Variants in SRGAP1 observed in about 807,000 individuals in gnomAD.
The protein encoded by SRGAP1 is SLIT-ROBO Rho GTPase-activating protein 1.
In SRGAP1, 43 loss-of-function variants were observed where a neutral mutation model predicts 121.9. The ratio of observed to expected loss-of-function variants is 0.35; its 90% CI spans 0.28 to 0.46. SRGAP1 has a LOEUF of 0.46. Among genes scored for constraint, SRGAP1 ranks in the 20% least tolerant of loss-of-function variants. The pLI is 1.00. For synonymous variants in SRGAP1, 447 were observed against 485.4 expected (o/e 0.92, Z 1.04); for missense variants, 1,102 against 1,350.9 (o/e 0.82, Z 2.89).
intron 1 of SRGAP1, among the ~76,000 whole-genome samples, chr12:63,912,324 T>C (rs2030539623): frequency 6.6e-6 from 1 of 152,062 alleles, no homozygotes; most frequent in Non-Finnish European, 1.5e-5. Flanking sequence ...AAGTCAGCAC[T>C]AGGCTGGGCA....
intron 6 of SRGAP1, among the ~76,000 whole-genome samples, chr12:64,061,186 T>G (rs73319368): frequency 6.6e-6 from 1 of 152,124 alleles, no homozygotes; most frequent in Non-Finnish European, 1.5e-5. Context: ...TAATGAAGAT[T>G]CAAGAATCTC....
At position 64,159,843 on chromosome 12, in the gene SRGAP1, C is replaced by T. The variant is rs1422085697; in HGVS notation, c.*17171C>T. 6.6e-6 allele frequency: 1 copy of T among 152,164 alleles called. No homozygotes were observed. Among genetic ancestry groups the T allele is most frequent in the African/African-American group, 2.4e-5 (1 of 41,432 alleles). The allele number at this position is 152,164 out of a possible 1,614,324, so 9.4% of individuals were successfully genotyped here. ...GGACTCTACAACAGCAGGAAATAAA[C>T]TACTGTTATATCAAGCTACTGACAT... On this transcript the variant is annotated 3_prime_UTR_variant, in exon 22 of 22. Coordinates refer to ENST00000355086, the MANE Select transcript of SRGAP1 (RefSeq NM_020762.4).
intron 1 of SRGAP1, among the ~76,000 whole-genome samples, chr12:63,937,916 G>T (rs942534040): frequency 6.6e-6 from 1 of 152,198 alleles, no homozygotes; most frequent in African/African-American, 2.4e-5. Flanking sequence ...GTCCAGAAGC[G>T]CCCCGTGGCA....
intron 1 of SRGAP1, among the ~76,000 whole-genome samples, chr12:63,933,562 G>GAATATTGAAAATATTGAA (rs2031556472): frequency 6.6e-6 from 1 of 152,156 alleles, no homozygotes; most frequent in Non-Finnish European, 1.5e-5. Context: ...AACCAGCACT[G>GAATATTGAAAATATTGAA]AATATTGAAA....
At chr12:64,022,820 G>A (rs2034577685) in intron 4 of SRGAP1, among the ~76,000 whole-genome samples, 1 of 152,144 alleles carries the variant, frequency 6.6e-6, no homozygotes, top group Admixed American at 6.5e-5. Flanking sequence ...ACTATGAGAT[G>A]TACTGGGAAT....
chr12:63,906,443 T>C (rs558038024), intron 1 of SRGAP1, among the ~76,000 whole-genome samples: 1 of 151,982 alleles, frequency 6.6e-6, no homozygotes, highest in East Asian at 1.9e-4. Flanking sequence ...GCCTCCCGAG[T>C]AGCTGGGACT....
intron 1 of SRGAP1, among the ~76,000 whole-genome samples, chr12:63,845,413 T>C (rs2136247894): frequency 6.6e-6 from 1 of 152,218 alleles, no homozygotes; most frequent in East Asian, 1.9e-4. Flanking sequence ...ATTAAATAGC[T>C]CCCTAAAAGC....
At chr12:63,884,924 A>G (rs941595405) in intron 1 of SRGAP1, among the ~76,000 whole-genome samples, 1 of 151,776 alleles carries the variant, frequency 6.6e-6, no homozygotes, top group Non-Finnish European at 1.5e-5. Flanking sequence ...GTTTCACCGC[A>G]TTAGCCAGGA....
At chr12:63,931,539 T>C (rs767464023) in intron 1 of SRGAP1, among the ~76,000 whole-genome samples, 55 of 152,360 alleles carry the variant, frequency 3.6e-4, no homozygotes, top group Non-Finnish European at 7.5e-4. Flanking sequence ...ACTGTGTTAA[T>C]GCAAGGAACA....
At chr12:64,050,872 C>G (rs1418095675) in intron 6 of SRGAP1, among the ~76,000 whole-genome samples, 2 of 152,164 alleles carry the variant, frequency 1.3e-5, no homozygotes, top group African/African-American at 4.8e-5. Flanking sequence ...CAGGTACGGA[C>G]CACCATGCCC....
At chr12:64,058,797 A>G (rs187017420) in intron 6 of SRGAP1, among the ~76,000 whole-genome samples, 1 of 122,998 alleles carries the variant, frequency 8.1e-6, no homozygotes, top group Admixed American at 8.4e-5. Context: ...ATCCAGTGTC[A>G]TTTCAGTTTC....
intron 1 of SRGAP1, among the ~76,000 whole-genome samples, chr12:63,862,920 G>T (rs1371164126): frequency 6.6e-6 from 1 of 152,168 alleles, no homozygotes; most frequent in East Asian, 1.9e-4. Context: ...CTGCAGGACT[G>T]AGTTCTGCCC....
At chr12:64,123,591 G>A (rs1346475769) in intron 18 of SRGAP1, among the ~76,000 whole-genome samples, 1 of 151,624 alleles carries the variant, frequency 6.6e-6, no homozygotes, top group African/African-American at 2.4e-5. Context: ...ATAATTTGGG[G>A]GAATACCAGA....
chr12:64,068,146 G>A (rs2035572532), intron 8 of SRGAP1, among the ~76,000 whole-genome samples: 1 of 151,746 alleles, frequency 6.6e-6, no homozygotes, highest in Admixed American at 6.6e-5. Context: ...GGGCATGGCA[G>A]CATGTGCCTG....
intron 6 of SRGAP1, among the ~76,000 whole-genome samples, chr12:64,049,403 G>A (rs926480048): frequency 6.6e-6 from 1 of 152,178 alleles, no homozygotes; most frequent in African/African-American, 2.4e-5. Context: ...CAATCATGGT[G>A]GAAGGGAAAG....
intron 21 of SRGAP1, among the ~76,000 whole-genome samples, chr12:64,136,713 C>A (rs1592354895): frequency 6.6e-6 from 1 of 152,058 alleles, no homozygotes; most frequent in Non-Finnish European, 1.5e-5. Flanking sequence ...CAGCAAAAAT[C>A]AAAAAGGCTT....
chr12:64,087,216 T>C (rs1027493873), intron 11 of SRGAP1, among the ~76,000 whole-genome samples, 190 bp downstream of exon 11: 1 of 152,194 alleles, frequency 6.6e-6, no homozygotes, highest in Non-Finnish European at 1.5e-5. Flanking sequence ...TATTTTTGTT[T>C]CCCTCTGGAA....
Position 64,071,649 on chromosome 12 carries a change from G to C in SRGAP1, c.1125+6430G>C, listed in dbSNP as rs2136549772. ...AATCAGAGTCAGGGGTGGGCCGCAG[G>C]AAAACAGGTTTTCTGAGACACAGCT... On this transcript the variant is annotated intron_variant, in intron 8 of 21. Coordinates refer to ENST00000355086, the MANE Select transcript of SRGAP1 (RefSeq NM_020762.4). Among the ~76,000 whole-genome samples, 3 of 152,274 alleles carry C rather than the reference G, an allele frequency of 2.0e-5. No individual in the cohort carries two copies. In the South Asian group the frequency reaches 6.2e-4, roughly 32 times the overall value.
rs375615840 is a variant in SRGAP1 at position 63,922,361 on chromosome 12, A to G, written c.68-61586A>G. 3.8e-4 allele frequency among the ~76,000 whole-genome samples: 58 copies of G among 152,326 alleles called. No individual in the cohort carries two copies. In the Middle Eastern group the frequency reaches 0.01, roughly 27 times the overall value. ...TGGGGCAGGAACTCTAATTCAACTG[A>G]TGTCCATATGTAAAACAGGATTATT... On this transcript the variant is annotated intron_variant, in intron 1 of 21. Transcript: ENST00000355086.
Sources: gnomAD v4.1 joint callset for allele counts (sites outside exome capture counted in the v4.1 genomes callset) on GRCh38, gnomAD v4.1.1 for gene constraint, MANE v1.5 for transcripts, NCBI Gene and HGNC (gene_info 2026-07-23, HGNC 2026-07-21) for gene names.